CNTNAP2: variants seen among roughly 807,000 people sequenced by gnomAD.
CNTNAP2 encodes the protein contactin-associated protein-like 2.
A neutral mutation model predicts 155.2 loss-of-function variants in CNTNAP2; 98 were observed. That is an observed-to-expected ratio of 0.63 (90% CI 0.54 to 0.75). The LOEUF is 0.75. CNTNAP2 is among the 30% of genes least tolerant of loss of function. The pLI, the probability that CNTNAP2 is intolerant of heterozygous loss-of-function variation, is 0.00. For synonymous variants in CNTNAP2, 651 were observed against 631.2 expected (o/e 1.03, Z -0.47); for missense variants, 1,727 against 1,688.1 (o/e 1.02, Z -0.40).
chr7:147,423,769 T>G (rs1797335057), intron 10 of CNTNAP2, among the ~76,000 whole-genome samples: 1 of 152,156 alleles, frequency 6.6e-6, no homozygotes, highest in Admixed American at 6.5e-5. Flanking sequence ...CTACAACTAC[T>G]CCATAATTGT....
chr7:146,882,522 G>A (rs1300642403), intron 3 of CNTNAP2, among the ~76,000 whole-genome samples: 1 of 151,934 alleles, frequency 6.6e-6, no homozygotes, highest in Non-Finnish European at 1.5e-5. Context: ...TCTTCACCCT[G>A]CATTTCTCTC....
chr7:147,656,294 C>A (rs1795524638), intron 13 of CNTNAP2, among the ~76,000 whole-genome samples: 1 of 152,196 alleles, frequency 6.6e-6, no homozygotes. Flanking sequence ...CTTTGAGAAT[C>A]TTTTCTTTGC....
chr7:147,877,000 A>G (rs1799431774), intron 13 of CNTNAP2, among the ~76,000 whole-genome samples: 1 of 152,012 alleles, frequency 6.6e-6, no homozygotes, highest in African/African-American at 2.4e-5. Context: ...AATGGATGCA[A>G]ATTGATAGCA....
At chr7:146,400,377 A>G (rs1028438251) in intron 1 of CNTNAP2, among the ~76,000 whole-genome samples, 2 of 152,220 alleles carry the variant, frequency 1.3e-5, no homozygotes, top group Non-Finnish European at 2.9e-5. Context: ...CTATAGTAAA[A>G]TATATCCAGG....
At chr7:148,216,498 G>A (rs1795640472) in intron 18 of CNTNAP2, among the ~76,000 whole-genome samples, 1 of 152,156 alleles carries the variant, frequency 6.6e-6, no homozygotes, top group South Asian at 2.1e-4. Flanking sequence ...AGGCTTTCCT[G>A]TATGAATATC....
Position 147,108,227 on chromosome 7 carries a change from G to A in CNTNAP2, c.631G>A (p.Val211Ile), listed in dbSNP as rs749043222. The A allele has an allele frequency of 3.1e-6, 5 of 1,613,672 alleles. No individual in the cohort carries two copies. The highest frequency in any genetic ancestry group is 1.1e-5 in the South Asian group (1 of 91,072). ...CAAGAAGATGAAAACACTGAAAGAT[G>A]TCATTGCCTTGAACTTTAAGACGTC... is the stretch of plus-strand genomic sequence containing the variant. ...RNKKMKTLKD[V>I]IALNFKTSES... Residue 211 changes from valine (V) to isoleucine (I), a missense_variant, in exon 5 of 24, where the codon GTC (valine) becomes ATC (isoleucine). Coordinates refer to ENST00000361727, the MANE Select transcript of CNTNAP2 (RefSeq NM_014141.6).
At chr7:147,692,482 A>G (rs1254370044) in intron 13 of CNTNAP2, among the ~76,000 whole-genome samples, 2 of 152,134 alleles carry the variant, frequency 1.3e-5, no homozygotes, top group Non-Finnish European at 1.5e-5. Context: ...CAACAATAAT[A>G]AGAGCTGTCA....
chr7:147,749,777 T>G (rs981841420), intron 13 of CNTNAP2, among the ~76,000 whole-genome samples: 2 of 152,204 alleles, frequency 1.3e-5, no homozygotes, highest in African/African-American at 4.8e-5. Context: ...AAATCTCTGC[T>G]TATTTTAATA....
At chr7:148,231,942 GA>G (rs1301595004) in intron 20 of CNTNAP2, among the ~76,000 whole-genome samples, 6 of 152,210 alleles carry the variant, frequency 3.9e-5, no homozygotes, top group Non-Finnish European at 8.8e-5. Context: ...TAGGAGAGGA[GA>G]AAAACCTGGG....
At chr7:146,973,239 G>A (rs1035301023) in intron 3 of CNTNAP2, among the ~76,000 whole-genome samples, 23 of 152,116 alleles carry the variant, frequency 1.5e-4, no homozygotes, top group African/African-American at 5.6e-4. Context: ...TGTTGACCAG[G>A]CTGGTCTCCA....
At chr7:148,180,561 A>G (rs1161306250) in intron 18 of CNTNAP2, among the ~76,000 whole-genome samples, 1 of 152,130 alleles carries the variant, frequency 6.6e-6, no homozygotes, top group African/African-American at 2.4e-5. Context: ...AAAAAAAAAC[A>G]AATTGAATAG....
chr7:146,576,491 A>G (rs1443171670), intron 1 of CNTNAP2, among the ~76,000 whole-genome samples: 3 of 152,152 alleles, frequency 2.0e-5, no homozygotes, highest in African/African-American at 7.2e-5. Context: ...TTGAGCCTCA[A>G]GGCAGGTCAG....
intron 16 of CNTNAP2, among the ~76,000 whole-genome samples, chr7:148,128,955 C>G (rs535917038): frequency 1.3e-5 from 2 of 152,106 alleles, no homozygotes; most frequent in Non-Finnish European, 2.9e-5. Flanking sequence ...TCCTCCCCAT[C>G]GTGGAGGGTA....
At chr7:147,514,375 A>G (rs1044102020) in intron 11 of CNTNAP2, among the ~76,000 whole-genome samples, 2 of 151,934 alleles carry the variant, frequency 1.3e-5, no homozygotes, top group Admixed American at 1.3e-4. Context: ...TGTATTTTAT[A>G]TATTTAAATG....
chr7:147,250,724 A>G (rs900911250), intron 8 of CNTNAP2, among the ~76,000 whole-genome samples: 9 of 152,120 alleles, frequency 5.9e-5, no homozygotes, highest in African/African-American at 9.7e-5. Context: ...GTGTTTCACA[A>G]TGTGGCTCCT....
chr7:147,606,127 C>A (rs1330373588), intron 12 of CNTNAP2, among the ~76,000 whole-genome samples: 1 of 152,104 alleles, frequency 6.6e-6, no homozygotes, highest in East Asian at 1.9e-4. Context: ...ATGACTTTTT[C>A]TAGCACAATT....
chr7:148,332,148 A>T (rs1311901683), intron 21 of CNTNAP2, among the ~76,000 whole-genome samples: 2 of 140,376 alleles, frequency 1.4e-5, no homozygotes, highest in Admixed American at 1.4e-4. Flanking sequence ...TGGTAAAATC[A>T]TGACAAACTG....
intron 14 of CNTNAP2, among the ~76,000 whole-genome samples, chr7:147,928,642 T>G (rs1585033699): frequency 6.6e-6 from 1 of 152,102 alleles, no homozygotes; most frequent in Non-Finnish European, 1.5e-5. Flanking sequence ...TAAATGTAGG[T>G]CGTGTTTCCT....
rs56955809 is a variant in CNTNAP2 at position 147,285,071 on chromosome 7, T to TA, written c.1349-15063dup. On this transcript the variant is annotated intron_variant, in intron 8 of 23. Coordinates refer to ENST00000361727, the MANE Select transcript of CNTNAP2 (RefSeq NM_014141.6). ...TGGCATGTATAAAAACAGAGTTTTATAAAAAAAGGATTAATGCAGAATTAT... is the reference window on the plus strand; with the variant it reads ...TGGCATGTATAAAAACAGAGTTTTATAAAAAAAAGGATTAATGCAGAATTAT... 8.5e-3 allele frequency among the ~76,000 whole-genome samples: 1,295 copies of TA among 151,982 alleles called. 24 individuals carry two copies. The highest frequency in any genetic ancestry group is 0.029 in the African/African-American group (1,192 of 41,522).
Sources: gnomAD v4.1 joint callset for allele counts (sites outside exome capture counted in the v4.1 genomes callset) on GRCh38, gnomAD v4.1.1 for gene constraint, MANE v1.5 for transcripts, NCBI Gene and HGNC (gene_info 2026-07-23, HGNC 2026-07-21) for gene names.